Variants in CRMP1 observed in about 807,000 individuals in gnomAD.
CRMP1 encodes the protein dihydropyrimidinase-related protein 1.
A neutral mutation model predicts 68.3 loss-of-function variants in CRMP1; 19 were observed. The ratio of observed to expected loss-of-function variants is 0.28; its 90% CI spans 0.19 to 0.41. The LOEUF is 0.41. CRMP1 is among the 10% of genes least tolerant of loss of function. The pLI is 1.00. For synonymous variants in CRMP1, 439 were observed against 399.6 expected, an observed-to-expected ratio of 1.10 and a Z score of -1.18; for missense variants, 791 against 967.4, an observed-to-expected ratio of 0.82 and a Z score of 2.42.
At chr4:5,847,953 A>G (rs7670661) in intron 6 of CRMP1, among the ~76,000 whole-genome samples, 98,522 of 151,908 alleles carry the variant, frequency 0.65, 33,024 homozygotes, top group East Asian at 0.85. Flanking sequence ...ACAACATTAT[A>G]ACCAATCCAT....
rs972420416 is a variant in CRMP1, at chr4:5,853,250, T to C, written c.821-1781A>G. On this transcript the variant is annotated intron_variant, in intron 4 of 13. Coordinates refer to ENST00000324989, the MANE Select transcript of CRMP1 (RefSeq NM_001014809.3). The surrounding 1 kb of genome is among the most constrained non-coding windows in gnomAD (Gnocchi z 4.7). ...CAATATGGTGATACCCCGTCTCTAC[T>C]AAAAATACAAAAATTAGCCGGGTGT... Among the ~76,000 whole-genome samples the C allele has an allele frequency of 2.0e-5, 3 of 152,128 alleles. No homozygotes were observed. Among genetic ancestry groups the C allele is most frequent in the African/African-American group, 7.2e-5 (3 of 41,424 alleles).
chr4:5,821,140 G>A lies in CRMP1; in HGVS notation c.*620C>T, dbSNP rs1394784972. On this transcript the variant is annotated 3_prime_UTR_variant, in exon 14 of 14. Transcript: ENST00000324989. The surrounding 1 kb of genome is among the most constrained non-coding windows in gnomAD (Gnocchi z 4.4). ...AGGGTTTCTGACACAGGATGTGGAGGATGCTTCTCTGCAACCTAGTGCAAG... is the reference window on the plus strand; with the variant it reads ...AGGGTTTCTGACACAGGATGTGGAGAATGCTTCTCTGCAACCTAGTGCAAG... 6.6e-6 allele frequency: 1 copy of A among 152,576 alleles called. No homozygotes were observed. The highest frequency in any genetic ancestry group is 1.5e-5 in the Non-Finnish European group (1 of 68,302). The allele number at this position is 152,576 out of a possible 1,614,324, so 9.5% of individuals were successfully genotyped here.
intron 1 of CRMP1, chr4:5,887,504 G>C: frequency 1.0e-6 from 1 of 984,980 alleles, no homozygotes; most frequent in Non-Finnish European, 1.2e-6. Context: ...CCCACCCCGA[G>C]ACAAAGCGTA....
At position 5,843,217 on chromosome 4, in the gene CRMP1, T is replaced by A; in HGVS notation, c.964-56A>T. 1 of 1,582,166 alleles carries A rather than the reference T, an allele frequency of 6.3e-7. No homozygotes were observed. The highest frequency in any genetic ancestry group is 8.7e-7 in the Non-Finnish European group (1 of 1,151,246). On this transcript the variant is annotated intron_variant, in intron 6 of 13. Transcript: ENST00000324989. The surrounding 1 kb of genome is among the most constrained non-coding windows in gnomAD (Gnocchi z 4.1). ...TAGAGGGTGTCAGAGCTGGGAGAAGTGACTCCTCCAACCCCCTGGTTAGAC... is the reference window on the plus strand; with the variant it reads ...TAGAGGGTGTCAGAGCTGGGAGAAGAGACTCCTCCAACCCCCTGGTTAGAC...
chr4:5,851,414 G>A lies in CRMP1; in HGVS notation c.876C>T (p.Asp292=). ...MAYKDVYQMS[D]SQLYEAFTFL... ...GTGAGTGTGAGGGACCTACCTGGCT[G>A]TCGGACATTTGGTAGACATCCTTAT... The change falls in exon 5 of 14, where the codon GAC becomes GAT. Residue 292 remains aspartate, a synonymous_variant. Coordinates refer to ENST00000324989, the MANE Select transcript of CRMP1 (RefSeq NM_001014809.3). 6.2e-7 allele frequency: 1 copy of A among 1,614,154 alleles called. No individual in the cohort carries two copies. The highest frequency in any genetic ancestry group is 1.7e-5 in the Admixed American group (1 of 60,028).
intron 1 of CRMP1, among the ~76,000 whole-genome samples, chr4:5,884,534 T>G (rs573633367): frequency 6.6e-6 from 1 of 151,160 alleles, no homozygotes; most frequent in Admixed American, 6.6e-5. Flanking sequence ...AGCCCACCTA[T>G]CCTCCCTGCT....
chr4:5,833,397 A>C (rs1031272226), intron 11 of CRMP1, among the ~76,000 whole-genome samples: 1 of 144,294 alleles, frequency 6.9e-6, no homozygotes, highest in Admixed American at 6.8e-5. Context: ...CGATCTCCTG[A>C]CCTCGTGATC....
chr4:5,875,924 G>A (rs6850514), intron 1 of CRMP1, among the ~76,000 whole-genome samples: 58,993 of 151,930 alleles, frequency 0.39, 14,227 homozygotes, highest in East Asian at 0.75. Context: ...AGGCCGAAGC[G>A]GGTGGATCAT....
At position 5,836,014 on chromosome 4, in the gene CRMP1, C is replaced by A; in HGVS notation, c.1524G>T (p.Leu508=). ...CGGCAATCCGCCCTTTCCTTGGGTA[C>A]AGGTTAAAGATCTTGGCTGCATTGG... is the stretch of plus-strand genomic sequence containing the variant. ...TSTNAAKIFN[L]YPRKGRIAVG... Residue 508 remains leucine, a synonymous_variant, in exon 11 of 14, where the codon CTG becomes CTT. Transcript: ENST00000324989. The A allele has an allele frequency of 6.2e-7, 1 of 1,607,244 alleles. No homozygotes were observed. The highest frequency in any genetic ancestry group is 8.5e-7 in the Non-Finnish European group (1 of 1,176,752).
chr4:5,841,517 A>C lies in CRMP1; in HGVS notation c.1033-89T>G. 1 of 1,571,072 alleles carries C rather than the reference A, an allele frequency of 6.4e-7. No individual in the cohort carries two copies. Among genetic ancestry groups the C allele is most frequent in the South Asian group, 1.2e-5 (1 of 83,830 alleles). On this transcript the variant is annotated intron_variant, in intron 7 of 13. Transcript: ENST00000324989. The surrounding 1 kb of genome is among the most constrained non-coding windows in gnomAD (Gnocchi z 6.9). The stretch of plus-strand genomic sequence containing the variant: ...ATTTTCCTTAATTGAATGTGATCAG[A>C]AGGGAAATCTGCTCCATTGAATGAG...
chr4:5,856,857 C>T (rs1242772242), intron 3 of CRMP1, among the ~76,000 whole-genome samples: 11 of 129,708 alleles, frequency 8.5e-5, no homozygotes, highest in African/African-American at 3.2e-4. Flanking sequence ...TCATTGTCAC[C>T]CCACCATCAT....
At position 5,856,860 on chromosome 4, in the gene CRMP1, A is replaced by ACCC. The variant is rs1713112969; in HGVS notation, c.656-554_656-553insGGG. On this transcript the variant is annotated intron_variant, in intron 3 of 13. Transcript: ENST00000324989. The stretch of plus-strand genomic sequence containing the variant: ...TTATCACCACTATCATTGTCACCCC[A>ACCC]CCATCATCACCATCACCACCACCAC... Among the ~76,000 whole-genome samples, 2 of 146,868 alleles carry ACCC rather than the reference A, an allele frequency of 1.4e-5. 1 individual carries two copies. Among genetic ancestry groups the ACCC allele is most frequent in the Non-Finnish European group, 3.0e-5 (2 of 66,816 alleles).
At position 5,865,656 on chromosome 4, in the gene CRMP1, AC is replaced by A. The variant is rs1472436466; in HGVS notation, c.470+1011del. Among the ~76,000 whole-genome samples, 1 of 151,016 alleles carries A rather than the reference AC, an allele frequency of 6.6e-6. No individual in the cohort carries two copies. Among genetic ancestry groups the A allele is most frequent in the Admixed American group, 6.6e-5 (1 of 15,156 alleles). ...AAAAAAAGAAGGCCGCCGCCTACAGACCCCTGCCTGGCGTTATGGACTGAAT... is the reference window on the plus strand; with the variant it reads ...AAAAAAAGAAGGCCGCCGCCTACAGACCCTGCCTGGCGTTATGGACTGAAT... On this transcript the variant is annotated intron_variant, in intron 2 of 13. Transcript: ENST00000324989. The surrounding 1 kb of genome is among the most constrained non-coding windows in gnomAD (Gnocchi z 4.1).
intron 13 of CRMP1, chr4:5,824,663 A>G: frequency 1.1e-6 from 1 of 938,160 alleles, no homozygotes; most frequent in Non-Finnish European, 1.3e-6. Context: ...ATAACATCCT[A>G]GATGTTGACA....
rs1461416051 is a variant in CRMP1 at position 5,866,969 on chromosome 4, T to A, written c.382-213A>T. On this transcript the variant is annotated intron_variant, in intron 1 of 13. Coordinates refer to ENST00000324989, the MANE Select transcript of CRMP1 (RefSeq NM_001014809.3). This position sits in a 1 kb window ranked among gnomAD's most constrained non-coding sequence, Gnocchi z 5.9. ...CTCCCCTCTCACTTTGTTTTGTTTT[T>A]GCTGAGGTGTTTTAAAACAAAGCAC... Among the ~76,000 whole-genome samples the A allele has an allele frequency of 1.3e-5, 2 of 152,248 alleles. No individual in the cohort carries two copies. Among genetic ancestry groups the A allele is most frequent in the South Asian group, 2.1e-4 (1 of 4,826 alleles).
chr4:5,868,261 C>CTATATATATATA (rs60816757), intron 1 of CRMP1, among the ~76,000 whole-genome samples: 81 of 111,396 alleles, frequency 7.3e-4, no homozygotes, highest in South Asian at 9.3e-4. Flanking sequence ...GACTATATAT[C>CTATATATATATA]TATATATATA....
chr4:5,883,033 C>G lies in CRMP1; in HGVS notation c.381+9556G>C, dbSNP rs1227871444. On this transcript the variant is annotated intron_variant, in intron 1 of 13. Coordinates refer to ENST00000324989, the MANE Select transcript of CRMP1 (RefSeq NM_001014809.3). This position sits in a 1 kb window ranked among gnomAD's most constrained non-coding sequence, Gnocchi z 4.5. ...CCATTCACATGTATTTCCACTTCTG[C>G]GTCCTCTGATTCACCTGTGTGAAAT... is the stretch of plus-strand genomic sequence containing the variant. Among the ~76,000 whole-genome samples, 1 of 152,260 alleles carries G rather than the reference C, an allele frequency of 6.6e-6. No homozygotes were observed. The highest frequency in any genetic ancestry group is 2.4e-5 in the African/African-American group (1 of 41,562).
intron 1 of CRMP1, chr4:5,887,808 G>A: frequency 2.0e-6 from 2 of 993,196 alleles, no homozygotes; most frequent in South Asian, 4.7e-5. Flanking sequence ...GGGCTGTGGG[G>A]TGCATGGGCC....
chr4:5,888,020 C>T lies in CRMP1; in HGVS notation c.381+4569G>A, dbSNP rs977219849. ...AGAGGGACTCCCGGCTCCAGCCCCG[C>T]CCCGCCATGCGGGGCTCCCCCACCC... is the stretch of plus-strand genomic sequence containing the variant. On this transcript the variant is annotated intron_variant, in intron 1 of 13. Transcript: ENST00000324989. This position sits in a 1 kb window ranked among gnomAD's most constrained non-coding sequence, Gnocchi z 6.4. 6.6e-6 allele frequency among the ~76,000 whole-genome samples: 1 copy of T among 152,062 alleles called. No homozygotes were observed. Among genetic ancestry groups the T allele is most frequent in the Non-Finnish European group, 1.5e-5 (1 of 67,954 alleles).
Sources: allele counts gnomAD v4.1 joint callset (sites outside exome capture counted in the v4.1 genomes callset), GRCh38; gene constraint gnomAD v4.1.1; non-coding constraint Gnocchi (gnomAD v3.1); transcripts MANE v1.5; gene names NCBI Gene and HGNC (gene_info 2026-07-23, HGNC 2026-07-21).